Variants in MYH15 observed in about 807,000 individuals in gnomAD.
MYH15 encodes myosin heavy chain 15, also known as myosin-15.
MYH15 carries 227 observed loss-of-function variants against 240.5 expected under a neutral mutation model. That is an observed-to-expected ratio of 0.94 (90% CI 0.85 to 1.05). MYH15 has a LOEUF of 1.05. Among genes scored for constraint, MYH15 ranks in the 50% least tolerant of loss-of-function variants. The pLI, the probability that MYH15 is intolerant of heterozygous loss-of-function variation, is 0.00. For missense variants in MYH15, 2,217 were observed against 2,247.5 expected, an observed-to-expected ratio of 0.99 and a Z score of 0.27; for synonymous variants, 785 against 796.7, an observed-to-expected ratio of 0.99 and a Z score of 0.25.
the MYH15 span, among the ~76,000 whole-genome samples, chr3:108,542,041 G>C: frequency 1.1e-3 from 161 of 152,164 alleles, no homozygotes; most frequent in African/African-American, 3.7e-3. Context: ...CTGAGAGAGG[G>C]ATGAAAGGGA....
chr3:108,542,815 G>A, the MYH15 span, among the ~76,000 whole-genome samples: 3 of 151,224 alleles, frequency 2.0e-5, no homozygotes, highest in Non-Finnish European at 4.4e-5. Flanking sequence ...TTCTATTCCC[G>A]TTAGCTTGCT....
At chr3:108,459,281 A>G (rs193008188) in intron 18 of MYH15, 81 bp downstream of exon 18, 177 of 909,868 alleles carry the variant, frequency 1.9e-4, no homozygotes, top group Non-Finnish European at 1.5e-5. Context: ...GGCACCAATA[A>G]ATATTTCTTT....
At chr3:108,532,440 G>A (rs766124101), upstream of MYH15, among the ~76,000 whole-genome samples, 2 of 152,080 alleles carry the variant, frequency 1.3e-5, no homozygotes, top group Non-Finnish European at 2.9e-5. Context: ...CTAAAACATT[G>A]TCTCTTCTTG....
chr3:108,394,524 G>C (rs2082444823), intron 35 of MYH15, among the ~76,000 whole-genome samples: 1 of 152,222 alleles, frequency 6.6e-6, no homozygotes, highest in South Asian at 2.1e-4. Context: ...GTTGGGGTCA[G>C]TTGCAGACAT....
the MYH15 span, among the ~76,000 whole-genome samples, chr3:108,548,084 G>A: frequency 6.6e-6 from 1 of 152,120 alleles, no homozygotes; most frequent in Non-Finnish European, 1.5e-5. Context: ...GTCAACTATA[G>A]CATGAAGGAT....
At chr3:108,507,246 T>TGA (rs753120525) in intron 1 of MYH15, among the ~76,000 whole-genome samples, 5,669 of 42,136 alleles carry the variant, frequency 0.13, 850 homozygotes, top group East Asian at 0.47. Context: ...TATATATATA[T>TGA]ATATATATAT....
At chr3:108,500,330 G>C in intron 3 of MYH15, 56 bp from the exon 4 acceptor site, 1 of 1,547,860 alleles carries the variant, frequency 6.5e-7, no homozygotes, top group Non-Finnish European at 8.8e-7. Flanking sequence ...TTCCAGGTTT[G>C]TCAGCTCTTC....
intron 38 of MYH15, among the ~76,000 whole-genome samples, chr3:108,386,164 A>C (rs2082382629): frequency 1.3e-5 from 2 of 152,238 alleles, no homozygotes; most frequent in South Asian, 4.1e-4. Flanking sequence ...AATTGCTAAT[A>C]ATCAGTTTAC....
chr3:108,487,495 A>C (rs1001685238), intron 9 of MYH15, among the ~76,000 whole-genome samples: 79 of 152,218 alleles, frequency 5.2e-4, no homozygotes, highest in Non-Finnish European at 2.4e-4. Flanking sequence ...ATTTCAAAAT[A>C]ATTATGCTGG....
Position 108,501,803 on chromosome 3 carries a change from T to C in MYH15, c.248A>G (p.Glu83Gly), listed in dbSNP as rs1448671335. ...KIQQMNPPEF[E>G]MIEDMAMLTH... ...CAGCATTGCCATGTCTTCAATCATT[T>C]CAAACTCTGGAGGATTCATCTGCTG... is the stretch of plus-strand genomic sequence containing the variant. Residue 83 changes from glutamate to glycine, a missense_variant, in exon 3 of 41, where the codon GAA becomes GGA. Coordinates refer to ENST00000693548, the MANE Select transcript of MYH15 (RefSeq NM_014981.3). The C allele has an allele frequency of 1.2e-6, 2 of 1,614,120 alleles. No individual in the cohort carries two copies. Among genetic ancestry groups the C allele is most frequent in the Admixed American group, 1.7e-5 (1 of 60,030 alleles).
intron 24 of MYH15, among the ~76,000 whole-genome samples, chr3:108,439,535 C>T (rs1229639070): frequency 3.3e-5 from 5 of 152,066 alleles, no homozygotes; most frequent in African/African-American, 4.8e-5. Flanking sequence ...ATTTAAAAAC[C>T]GACAGATTAT....
chr3:108,505,782 C>T lies in MYH15; in HGVS notation c.136G>A (p.Ala46Thr). The change falls in exon 2 of 41, where the codon GCT becomes ACT. Residue 46 changes from alanine (A) to threonine (T), a missense_variant. By Grantham distance (58) the Ala-to-Thr change is moderately conservative (BLOSUM62 0). Coordinates refer to ENST00000693548, the MANE Select transcript of MYH15 (RefSeq NM_014981.3). ...TCATCTTCACTCCCTTTTACCTCAGCCTCGATATAAGCATTCTCACCATCA... is the reference window on the plus strand; with the variant it reads ...TCATCTTCACTCCCTTTTACCTCAGTCTCGATATAAGCATTCTCACCATCA... The part of the protein sequence containing the change: ...IPDGENAYIE[A>T]EVKGSEDDGT... 6.2e-7 allele frequency: 1 copy of T among 1,613,152 alleles called. No homozygotes were observed.
At chr3:108,524,374 G>A (rs994180801) in intron 1 of MYH15, among the ~76,000 whole-genome samples, 5 of 151,624 alleles carry the variant, frequency 3.3e-5, no homozygotes, top group Admixed American at 2.6e-4. Flanking sequence ...TTTTTATTTC[G>A]TTTATCTTGT....
At chr3:108,460,719 T>C (rs2083064918) in intron 16 of MYH15, among the ~76,000 whole-genome samples, 1 of 152,176 alleles carries the variant, frequency 6.6e-6, no homozygotes, top group Non-Finnish European at 1.5e-5. Context: ...AATGATGATG[T>C]GGATCCATAT....
rs1246944831 is a variant in MYH15, at chr3:108,405,349, T to A, written c.4725A>T (p.Ile1575=). The change falls in exon 33 of 41, where the codon ATA becomes ATT. Residue 1575 remains isoleucine (I), a synonymous_variant. Coordinates refer to ENST00000693548, the MANE Select transcript of MYH15 (RefSeq NM_014981.3). ...ATCATCTTAAATACCTAAAATTTTC[T>A]ATTTCTTCATCTTTCTCTGAAAGCT... ...ERKLSEKDEE[I]ENFRRKQQCT... The A allele has an allele frequency of 6.7e-7, 1 of 1,497,526 alleles. No individual in the cohort carries two copies. The highest frequency in any genetic ancestry group is 1.4e-5 in the African/African-American group (1 of 72,814). The allele number at this position is 1,497,526 out of a possible 1,614,324, so 92.8% of individuals were successfully genotyped here.
intron 12 of MYH15, among the ~76,000 whole-genome samples, chr3:108,471,523 T>C (rs146715932): frequency 1.1e-4 from 17 of 152,324 alleles, no homozygotes; most frequent in African/African-American, 3.8e-4. Flanking sequence ...GGAAGAAGTC[T>C]GCTGAATCAC....
chr3:108,497,251 C>T (rs1428348517), intron 6 of MYH15, among the ~76,000 whole-genome samples: 1 of 134,750 alleles, frequency 7.4e-6, no homozygotes, highest in Non-Finnish European at 1.6e-5. Context: ...AAAAAAGAAA[C>T]TTCTATAGTT....
At chr3:108,523,428 AT>A (rs1159638345) in intron 1 of MYH15, among the ~76,000 whole-genome samples, 1 of 151,984 alleles carries the variant, frequency 6.6e-6, no homozygotes, top group African/African-American at 2.4e-5. Context: ...TGCAATTATT[AT>A]TTGTCGAATA....
At chr3:108,469,154 C>A (rs867238039) in intron 14 of MYH15, among the ~76,000 whole-genome samples, 4 of 152,274 alleles carry the variant, frequency 2.6e-5, no homozygotes, top group Middle Eastern at 3.4e-3. Flanking sequence ...ATTGATAGGA[C>A]ACGGATTGAT....
Sources: allele counts gnomAD v4.1 joint callset (sites outside exome capture counted in the v4.1 genomes callset), GRCh38; gene constraint gnomAD v4.1.1; transcripts MANE v1.5; gene names NCBI Gene and HGNC (gene_info 2026-07-23, HGNC 2026-07-21).